Variants in CUL1 observed in about 807,000 individuals in gnomAD.
The protein encoded by CUL1 is cullin 1, also known as cullin-1.
A neutral mutation model predicts 118.0 loss-of-function variants in CUL1; 24 were observed. That is an observed-to-expected ratio of 0.20 (90% confidence interval 0.15 to 0.29). The LOEUF is 0.29. Among genes scored for constraint, CUL1 ranks in the 10% least tolerant of loss-of-function variants. The probability of loss-of-function intolerance (pLI) is 1.00; values close to 1 mark genes in which losing one functional copy is unlikely to be tolerated. For synonymous variants in CUL1, 332 were observed against 340.4 expected (o/e 0.98, Z 0.27); for missense variants, 361 against 933.8 (o/e 0.39, Z 7.99).
intron 1 of CUL1, among the ~76,000 whole-genome samples, chr7:148,703,420 T>A (rs541421075): frequency 1.1e-4 from 16 of 152,334 alleles, no homozygotes; most frequent in Admixed American, 5.2e-4. Flanking sequence ...AAGCTGCAAT[T>A]TTTTTAAAGG....
At chr7:148,791,577 C>T (rs1380144447) in intron 16 of CUL1, among the ~76,000 whole-genome samples, 2 of 152,236 alleles carry the variant, frequency 1.3e-5, no homozygotes, top group Non-Finnish European at 2.9e-5. Context: ...TAGGGTGTGT[C>T]TGCCGTGTTA....
intron 13 of CUL1, among the ~76,000 whole-genome samples, 198 bp from the exon 14 acceptor site, chr7:148,788,359 A>C (rs575359360): frequency 6.6e-6 from 1 of 152,296 alleles, no homozygotes; most frequent in East Asian, 1.9e-4. Context: ...TGCAACATAG[A>C]GTTGTGGGGT....
chr7:148,732,237 A>G (rs1201262757), intron 2 of CUL1, among the ~76,000 whole-genome samples: 1 of 152,108 alleles, frequency 6.6e-6, no homozygotes, highest in African/African-American at 2.4e-5. Flanking sequence ...GAAGCAGGAG[A>G]GCACTGCTCC....
chr7:148,747,751 C>G (rs1482729045), intron 2 of CUL1, among the ~76,000 whole-genome samples: 1 of 152,122 alleles, frequency 6.6e-6, no homozygotes, highest in Non-Finnish European at 1.5e-5. Flanking sequence ...AAGAGAAATT[C>G]TATAAATGTA....
At chr7:148,796,968 C>T (rs1233335654) in intron 17 of CUL1, among the ~76,000 whole-genome samples, 1 of 152,222 alleles carries the variant, frequency 6.6e-6, no homozygotes, top group Non-Finnish European at 1.5e-5. Context: ...CAGGACTCCA[C>T]TGCCCGTGGG....
chr7:148,701,712 T>C (rs1333529066), intron 1 of CUL1, among the ~76,000 whole-genome samples: 3 of 152,234 alleles, frequency 2.0e-5, no homozygotes, highest in African/African-American at 7.2e-5. Context: ...CAGAATGTCA[T>C]TCCCAGTATA....
intron 1 of CUL1, among the ~76,000 whole-genome samples, chr7:148,713,365 C>T (rs1370090306): frequency 6.6e-6 from 1 of 152,168 alleles, no homozygotes; most frequent in Non-Finnish European, 1.5e-5. Flanking sequence ...TTGTGATTTT[C>T]TGTAAGTTTT....
chr7:148,718,001 C>T (rs185319852), intron 1 of CUL1, among the ~76,000 whole-genome samples: 1 of 152,248 alleles, frequency 6.6e-6, no homozygotes, highest in Non-Finnish European at 1.5e-5. Context: ...AGTATAAACC[C>T]CTCTCTATTG....
At chr7:148,713,549 C>T (rs1798117159) in intron 1 of CUL1, among the ~76,000 whole-genome samples, 1 of 152,010 alleles carries the variant, frequency 6.6e-6, no homozygotes, top group Non-Finnish European at 1.5e-5. Flanking sequence ...AAAGGACCTT[C>T]CTCTATTACT....
Position 148,784,090 on chromosome 7 carries a change from C to T in CUL1, c.1298+13C>T. 1 of 1,592,846 alleles carries T rather than the reference C, an allele frequency of 6.3e-7. No individual in the cohort carries two copies. The highest frequency in any genetic ancestry group is 8.6e-7 in the Non-Finnish European group (1 of 1,160,702). ...TGTTGAAGAAAAGGTATTAAATGAC[C>T]CTATGTTTTCTTAGTATGCCTGTTT... On this transcript the variant is annotated intron_variant, in intron 11 of 21. Transcript: ENST00000325222.
At chr7:148,753,904 T>C (rs943621656) in intron 2 of CUL1, 72 bp from the exon 3 acceptor site, 27 of 1,185,878 alleles carry the variant, frequency 2.3e-5, no homozygotes, top group South Asian at 6.8e-5. Flanking sequence ...TAATGAAATA[T>C]AAGAAAATAT....
At chr7:148,722,699 C>G (rs1351661942) in intron 1 of CUL1, among the ~76,000 whole-genome samples, 1 of 152,274 alleles carries the variant, frequency 6.6e-6, no homozygotes, top group Non-Finnish European at 1.5e-5. Flanking sequence ...CCTCTCCACT[C>G]CTGAAACCTA....
intron 9 of CUL1, among the ~76,000 whole-genome samples, chr7:148,775,984 T>TA (rs1343654607): frequency 4.6e-5 from 7 of 152,258 alleles, no homozygotes; most frequent in East Asian, 3.9e-4. Context: ...TTTACCTAAT[T>TA]AAAAAATGAG....
chr7:148,725,555 C>T (rs1049829369), intron 1 of CUL1, among the ~76,000 whole-genome samples: 5 of 152,276 alleles, frequency 3.3e-5, no homozygotes, highest in South Asian at 2.1e-4. Flanking sequence ...TTCTCTGCCC[C>T]GTCTGCTTCC....
In CUL1 at chr7:148,754,034, G is replaced by A; in HGVS notation, c.199G>A (p.Val67Ile). 6.2e-7 allele frequency: 1 copy of A among 1,614,040 alleles called. No homozygotes were observed. Among genetic ancestry groups the A allele is most frequent in the Non-Finnish European group, 8.5e-7 (1 of 1,179,956 alleles). Reference sequence around the variant, plus strand: ...GTCAAACCAAGCACGAGGAGCTGGAGTTCCTCCTTCTAAGTCGAAAAAGGG... The same window carrying A: ...GTCAAACCAAGCACGAGGAGCTGGAATTCCTCCTTCTAAGTCGAAAAAGGG... ...HQSNQARGAGVPPSKSKKGQT... is the reference protein window; with the variant it reads ...HQSNQARGAGIPPSKSKKGQT... The change falls in exon 3 of 22, where the codon GTT (valine) becomes ATT (isoleucine). Residue 67 changes from valine to isoleucine, a missense_variant. By Grantham distance (29) the Val-to-Ile change is conservative (BLOSUM62 3). Coordinates refer to ENST00000325222, the MANE Select transcript of CUL1 (RefSeq NM_003592.3).
intron 1 of CUL1, among the ~76,000 whole-genome samples, chr7:148,724,457 G>T (rs1195505902): frequency 6.6e-6 from 1 of 152,224 alleles, no homozygotes; most frequent in Non-Finnish European, 1.5e-5. Flanking sequence ...CTGCACGCGT[G>T]TGTGTCTGTG....
At chr7:148,793,943 C>T (rs1204749752) in intron 17 of CUL1, among the ~76,000 whole-genome samples, 1 of 152,154 alleles carries the variant, frequency 6.6e-6, no homozygotes, top group Non-Finnish European at 1.5e-5. Flanking sequence ...ATAGCCATCC[C>T]AGTGGATGTG....
chr7:148,704,025 A>G (rs1456874308), intron 1 of CUL1, among the ~76,000 whole-genome samples: 1 of 152,212 alleles, frequency 6.6e-6, no homozygotes, highest in African/African-American at 2.4e-5. Context: ...AGAATAATAA[A>G]ACTTCTCTGT....
intron 2 of CUL1, among the ~76,000 whole-genome samples, chr7:148,750,826 GC>G (rs1384634249): frequency 6.6e-6 from 1 of 152,000 alleles, no homozygotes; most frequent in Non-Finnish European, 1.5e-5. Context: ...GCTAAGTCAA[GC>G]CAATGTGGTG....
Sources: allele counts gnomAD v4.1 joint callset (sites outside exome capture counted in the v4.1 genomes callset), GRCh38; gene constraint gnomAD v4.1.1; transcripts MANE v1.5; gene names NCBI Gene and HGNC (gene_info 2026-07-23, HGNC 2026-07-21).